PDE4D: variants seen among roughly 807,000 people sequenced by gnomAD.
PDE4D encodes 3',5'-cyclic-AMP phosphodiesterase 4D.
A neutral mutation model predicts 87.4 loss-of-function variants in PDE4D; 24 were observed. That is an observed-to-expected ratio of 0.27 (90% CI 0.20 to 0.39). The LOEUF (loss-of-function observed/expected upper bound fraction) is 0.39, where lower values mean the gene tolerates loss of function less well. Ranked by LOEUF, PDE4D falls within the 10% of genes least tolerant of loss-of-function variation. The pLI, the probability that PDE4D is intolerant of heterozygous loss-of-function variation, is 1.00. For missense variants in PDE4D, 714 were observed against 1,041.0 expected (o/e 0.69, Z 4.32); for synonymous variants, 384 against 383.2 (o/e 1.00, Z -0.02).
intron 2 of PDE4D, among the ~76,000 whole-genome samples, chr5:59,197,405 A>AT (rs1745701725): frequency 1.3e-5 from 2 of 152,198 alleles, no homozygotes; most frequent in African/African-American, 4.8e-5. Flanking sequence ...AGATGGTCTC[A>AT]TTTTAGTAAC....
At chr5:59,177,710 A>C (rs776387806) in intron 5 of PDE4D, among the ~76,000 whole-genome samples, 80 of 152,250 alleles carry the variant, frequency 5.3e-4, no homozygotes, top group Middle Eastern at 3.4e-3. Flanking sequence ...AGGCACTTGG[A>C]GCTGTGTGCT....
chr5:59,424,210 T>C (rs1012203747), intron 1 of PDE4D, among the ~76,000 whole-genome samples: 7 of 152,070 alleles, frequency 4.6e-5, no homozygotes, highest in African/African-American at 1.7e-4. Context: ...GAGAAGAGAA[T>C]GGGGAACTGG....
In PDE4D at chr5:60,183,123, A is replaced by T. The variant is rs547306663; in HGVS notation, c.42+2434T>A. 3.3e-5 allele frequency among the ~76,000 whole-genome samples: 5 copies of T among 152,256 alleles called. No homozygotes were observed. The East Asian group carries it at 9.7e-4, about 30-fold the overall frequency. ...CTGCCATGTGAGGACCCAGGGAAAAAGTAGCTTTCGGCAAGCCATCAGCAA... is the reference window on the plus strand; with the variant it reads ...CTGCCATGTGAGGACCCAGGGAAAATGTAGCTTTCGGCAAGCCATCAGCAA... On this transcript the variant is annotated intron_variant, in intron 2 of 16. Coordinates refer to the PDE4D transcript ENST00000502484.
chr5:59,481,746 G>A (rs116435215), intron 1 of PDE4D, among the ~76,000 whole-genome samples: 2,358 of 151,594 alleles, frequency 0.016, 75 homozygotes, highest in African/African-American at 0.054. Flanking sequence ...ATTGACCACA[G>A]TCCCTTTGTT....
At chr5:59,645,793 G>C (rs73101105) in intron 1 of PDE4D, among the ~76,000 whole-genome samples, 4,537 of 152,240 alleles carry the variant, frequency 0.03, 216 homozygotes, top group African/African-American at 0.1. Flanking sequence ...AAAGACATTT[G>C]ATAGAGATAT....
At chr5:59,050,061 T>A (rs185615630) in intron 5 of PDE4D, among the ~76,000 whole-genome samples, 85 of 152,212 alleles carry the variant, frequency 5.6e-4, no homozygotes, top group African/African-American at 2.0e-3. Context: ...GTCAAGAGTT[T>A]GAGACCAGCC....
chr5:59,982,985 A>G (rs112616553), intron 3 of PDE4D, among the ~76,000 whole-genome samples: 7 of 152,336 alleles, frequency 4.6e-5, no homozygotes, highest in African/African-American at 1.7e-4. Context: ...ATTAGAACAA[A>G]CCCATGAAGT....
At chr5:60,503,911 G>A (rs2150248590) in intron 1 of PDE4D, among the ~76,000 whole-genome samples, 1 of 152,212 alleles carries the variant, frequency 6.6e-6, no homozygotes, top group Middle Eastern at 3.4e-3. Context: ...CTTGACCTTT[G>A]TAAGCTTCAA....
At chr5:59,105,580 A>G (rs1338988674) in intron 5 of PDE4D, among the ~76,000 whole-genome samples, 1 of 152,234 alleles carries the variant, frequency 6.6e-6, no homozygotes, top group Non-Finnish European at 1.5e-5. Context: ...CTGTCAGATG[A>G]TATGAAAATA....
At chr5:60,275,850 C>CT (rs890328820) in intron 1 of PDE4D, among the ~76,000 whole-genome samples, 3 of 151,760 alleles carry the variant, frequency 2.0e-5, no homozygotes, top group South Asian at 2.1e-4. Context: ...TTAAGCTTAA[C>CT]TTTTTTTTAT....
chr5:60,315,221 T>G (rs1458749430), intron 1 of PDE4D, among the ~76,000 whole-genome samples: 1 of 152,256 alleles, frequency 6.6e-6, no homozygotes, highest in Non-Finnish European at 1.5e-5. Flanking sequence ...TTGATTTGCA[T>G]TTCTCTGATG....
chr5:58,997,931 C>T (rs1367079780), intron 6 of PDE4D, among the ~76,000 whole-genome samples: 1 of 152,062 alleles, frequency 6.6e-6, no homozygotes, highest in Non-Finnish European at 1.5e-5. Context: ...CAGTGTGCTA[C>T]TGGGTATATT....
intron 1 of PDE4D, among the ~76,000 whole-genome samples, chr5:60,410,508 G>T (rs919019070): frequency 6.6e-6 from 1 of 152,226 alleles, no homozygotes; most frequent in Non-Finnish European, 1.5e-5. Flanking sequence ...CTAATCAGCA[G>T]TGGTTTGCTC....
At chr5:59,034,068 C>G (rs1758065750) in intron 6 of PDE4D, among the ~76,000 whole-genome samples, 1 of 152,042 alleles carries the variant, frequency 6.6e-6, no homozygotes, top group Non-Finnish European at 1.5e-5. Flanking sequence ...TTTCCCTCTT[C>G]CATTATTACT....
chr5:59,769,820 G>A (rs952755825), intron 1 of PDE4D, among the ~76,000 whole-genome samples: 6 of 144,952 alleles, frequency 4.1e-5, no homozygotes, highest in African/African-American at 1.5e-4. Flanking sequence ...AATAACTTAG[G>A]GAGCTACAAA....
At chr5:59,146,768 GA>G (rs200902459) in intron 5 of PDE4D, among the ~76,000 whole-genome samples, 1 of 146,672 alleles carries the variant, frequency 6.8e-6, no homozygotes, top group South Asian at 2.1e-4. Flanking sequence ...TATTTCCTGA[GA>G]AAAAAAATTA....
At chr5:59,206,412 A>G (rs564828551) in intron 2 of PDE4D, among the ~76,000 whole-genome samples, 2 of 152,370 alleles carry the variant, frequency 1.3e-5, no homozygotes, top group Admixed American at 6.5e-5. Context: ...CTCAAGAAAC[A>G]CATCACATAA....
intron 1 of PDE4D, among the ~76,000 whole-genome samples, chr5:60,433,227 T>A (rs1446866129): frequency 6.6e-6 from 1 of 152,042 alleles, no homozygotes; most frequent in Non-Finnish European, 1.5e-5. Flanking sequence ...CTTAGACAAA[T>A]TGACAAGCAA....
At chr5:59,528,517 C>T (rs186667974) in intron 1 of PDE4D, among the ~76,000 whole-genome samples, 23 of 152,054 alleles carry the variant, frequency 1.5e-4, no homozygotes, top group East Asian at 7.7e-4. Flanking sequence ...GATGTCACAA[C>T]GATACGATGT....
Sources: gnomAD v4.1 joint callset for allele counts (sites outside exome capture counted in the v4.1 genomes callset) on GRCh38, gnomAD v4.1.1 for gene constraint, MANE v1.5 for transcripts, NCBI Gene and HGNC (gene_info 2026-07-23, HGNC 2026-07-21) for gene names.